Variants in TBC1D19 observed in about 807,000 individuals in gnomAD.
The protein encoded by TBC1D19 is TBC1 domain family member 19.
In TBC1D19, 60 loss-of-function variants were observed where a neutral mutation model predicts 89.0. The ratio of observed to expected loss-of-function variants is 0.67; its 90% confidence interval spans 0.55 to 0.84. TBC1D19 has a LOEUF of 0.84. Ranked by LOEUF, TBC1D19 falls within the 40% of genes least tolerant of loss-of-function variation. The pLI, the probability that TBC1D19 is intolerant of heterozygous loss-of-function variation, is 0.00. For missense variants in TBC1D19, 500 were observed against 610.8 expected (o/e 0.82, Z 1.91); for synonymous variants, 189 against 199.7 (o/e 0.95, Z 0.45).
chr4:26,710,070 G>T (rs566001278), intron 13 of TBC1D19, among the ~76,000 whole-genome samples: 2 of 152,050 alleles, frequency 1.3e-5, no homozygotes, highest in Admixed American at 1.3e-4. Flanking sequence ...TAGGGCACAT[G>T]TGCACAATGT....
chr4:26,753,876 C>G lies in TBC1D19; in HGVS notation c.1492C>G (p.Leu498Val). 6.2e-7 allele frequency: 1 copy of G among 1,613,908 alleles called. No individual in the cohort carries two copies. Among genetic ancestry groups the G allele is most frequent in the Non-Finnish European group, 8.5e-7 (1 of 1,179,864 alleles). The change falls in exon 20 of 21, where the codon CTG (leucine) becomes GTG (valine). Residue 498 changes from leucine (L) to valine (V), a missense_variant. Leu to Val is a conservative substitution (Grantham distance 32, BLOSUM62 1). Transcript: ENST00000264866. ...RAVNLMEVTS[L>V]AAAEAVLADL... is the part of the protein sequence containing the mutation. ...AGTGAACCTGATGGAGGTGACATCA[C>G]TGGCTGCAGCTGAAGTAAGGATAAG...
chr4:26,753,675 C>A, intron 19 of TBC1D19, 145 bp from the exon 20 acceptor site: 2 of 725,712 alleles, frequency 2.8e-6, no homozygotes, highest in Non-Finnish European at 4.6e-6. Flanking sequence ...ATCACAAGAC[C>A]TTAATTCAGA....
chr4:26,684,174 G>A (rs1166079186), intron 12 of TBC1D19, among the ~76,000 whole-genome samples: 1 of 151,930 alleles, frequency 6.6e-6, no homozygotes, highest in Non-Finnish European at 1.5e-5. Context: ...TAGACATATG[G>A]CTAAGTATAT....
chr4:26,828,713 T>C, the TBC1D19 span, among the ~76,000 whole-genome samples: 9 of 152,322 alleles, frequency 5.9e-5, no homozygotes, highest in East Asian at 1.5e-3. Context: ...GTTTCTTCAT[T>C]GGTAAATAGG....
the TBC1D19 span, among the ~76,000 whole-genome samples, chr4:26,831,619 G>C: frequency 8.0e-6 from 1 of 124,542 alleles, no homozygotes; most frequent in Non-Finnish European, 1.6e-5. Context: ...CGGAGTCTCT[G>C]TTGCCCAGGC....
At chr4:26,655,040 G>T (rs1169191568) in intron 7 of TBC1D19, among the ~76,000 whole-genome samples, 1 of 152,168 alleles carries the variant, frequency 6.6e-6, no homozygotes, top group Non-Finnish European at 1.5e-5. Context: ...GTGACGTACA[G>T]ATGGGGTTTT....
chr4:26,680,095 C>G (rs561105677), intron 11 of TBC1D19, among the ~76,000 whole-genome samples: 4 of 152,272 alleles, frequency 2.6e-5, no homozygotes, highest in South Asian at 4.1e-4. Flanking sequence ...CACTCATTCT[C>G]TCCCCTGTGG....
intron 1 of TBC1D19, among the ~76,000 whole-genome samples, chr4:26,577,501 T>A (rs1738999290): frequency 6.6e-6 from 1 of 152,246 alleles, no homozygotes; most frequent in Non-Finnish European, 1.5e-5. Flanking sequence ...ATGGGTTTTC[T>A]TTTCTTCAAC....
chr4:26,614,092 A>T (rs1741534550), intron 2 of TBC1D19, among the ~76,000 whole-genome samples: 1 of 152,218 alleles, frequency 6.6e-6, no homozygotes, highest in East Asian at 1.9e-4. Context: ...GTAGTACAAC[A>T]TCTGAAGATT....
chr4:26,781,338 T>C, the TBC1D19 span, among the ~76,000 whole-genome samples: 9 of 152,162 alleles, frequency 5.9e-5, no homozygotes, highest in Non-Finnish European at 1.0e-4. Flanking sequence ...TCAAGTCAGG[T>C]TACCTGGTTC....
chr4:26,753,264 T>C (rs6827599), intron 19 of TBC1D19, among the ~76,000 whole-genome samples: 148,973 of 152,324 alleles, frequency 0.98, 72,929 homozygotes, highest in East Asian at 1. Context: ...ATTCAGCCTC[T>C]GTATAACGTT....
At chr4:26,779,110 G>A in the TBC1D19 span, among the ~76,000 whole-genome samples, 2 of 152,208 alleles carry the variant, frequency 1.3e-5, no homozygotes, top group African/African-American at 4.8e-5. Context: ...TGCTGATTCA[G>A]TAGATCTAGT....
chr4:26,774,156 C>T, the TBC1D19 span, among the ~76,000 whole-genome samples: 2 of 152,230 alleles, frequency 1.3e-5, no homozygotes, highest in African/African-American at 4.8e-5. Context: ...TTCCCCACAG[C>T]TGCACTGATC....
At chr4:26,769,768 G>C in the TBC1D19 span, among the ~76,000 whole-genome samples, 1 of 151,852 alleles carries the variant, frequency 6.6e-6, no homozygotes, top group East Asian at 1.9e-4. Context: ...GGCTGGTCTC[G>C]AACTTCTGAG....
At chr4:26,703,357 C>T (rs1439946506) in intron 13 of TBC1D19, among the ~76,000 whole-genome samples, 1 of 152,014 alleles carries the variant, frequency 6.6e-6, no homozygotes, top group Non-Finnish European at 1.5e-5. Flanking sequence ...AAATTGAGTT[C>T]TGTTTTTTCC....
chr4:26,685,687 G>A (rs999251030), intron 12 of TBC1D19, among the ~76,000 whole-genome samples: 1 of 152,184 alleles, frequency 6.6e-6, no homozygotes, highest in Non-Finnish European at 1.5e-5. Context: ...TCCTTTGATG[G>A]AAAGTCTTGT....
intron 12 of TBC1D19, among the ~76,000 whole-genome samples, chr4:26,686,328 A>G (rs144802085): frequency 5.1e-4 from 77 of 152,218 alleles, no homozygotes; most frequent in Middle Eastern, 3.4e-3. Flanking sequence ...GGAGGATGGA[A>G]AGTCATAGAT....
At chr4:26,652,141 T>C (rs915136556) in intron 7 of TBC1D19, among the ~76,000 whole-genome samples, 1 of 152,054 alleles carries the variant, frequency 6.6e-6, no homozygotes, top group Admixed American at 6.6e-5. Context: ...ATGTTTGCAT[T>C]GATGTTGATC....
chr4:26,703,498 A>G (rs1191557081), intron 13 of TBC1D19, among the ~76,000 whole-genome samples: 1 of 152,218 alleles, frequency 6.6e-6, no homozygotes, highest in South Asian at 2.1e-4. Context: ...GTTGCTGTAT[A>G]GGAAAATTGT....
Sources: gnomAD v4.1 joint callset for allele counts (sites outside exome capture counted in the v4.1 genomes callset) on GRCh38, gnomAD v4.1.1 for gene constraint, MANE v1.5 for transcripts, NCBI Gene and HGNC (gene_info 2026-07-23, HGNC 2026-07-21) for gene names.